Variants in SCAPER observed in about 807,000 individuals in gnomAD.
The protein encoded by SCAPER is S phase cyclin A-associated protein in the endoplasmic reticulum.
Under a neutral mutation model 182.2 loss-of-function variants are expected in SCAPER, and 98 were observed. The ratio of observed to expected loss-of-function variants is 0.54; its 90% CI spans 0.46 to 0.64. SCAPER has a LOEUF of 0.64. SCAPER is among the 30% of genes least tolerant of loss of function. The pLI is 0.00. For missense variants in SCAPER, 1,432 were observed against 1,690.0 expected (o/e 0.85, Z 2.68); for synonymous variants, 605 against 564.6 (o/e 1.07, Z -1.01).
chr15:76,557,410 T>C (rs1159624380), intron 23 of SCAPER, among the ~76,000 whole-genome samples: 3 of 152,168 alleles, frequency 2.0e-5, no homozygotes, highest in Admixed American at 1.3e-4. Context: ...CTCCACCAAA[T>C]TTCATGTTGA....
intron 5 of SCAPER, among the ~76,000 whole-genome samples, chr15:76,834,759 A>G (rs1350864069): frequency 6.6e-6 from 1 of 152,168 alleles, no homozygotes; most frequent in Non-Finnish European, 1.5e-5. Context: ...ACCCTCAGAG[A>G]CTATTAGAGA....
chr15:76,536,949 A>G (rs2044222108), intron 23 of SCAPER, among the ~76,000 whole-genome samples: 1 of 151,818 alleles, frequency 6.6e-6, no homozygotes, highest in Admixed American at 6.6e-5. Context: ...CCAAATCATG[A>G]GTGAACTCCC....
chr15:76,529,825 G>A (rs1022360165), intron 23 of SCAPER, among the ~76,000 whole-genome samples: 2 of 152,216 alleles, frequency 1.3e-5, no homozygotes, highest in African/African-American at 2.4e-5. Context: ...CAAATCTAGA[G>A]CTTTCTAGGT....
chr15:76,752,849 C>T lies in SCAPER; in HGVS notation c.1866+959G>A, dbSNP rs186414674. Among the ~76,000 whole-genome samples the T allele has an allele frequency of 5.7e-3, 857 of 151,418 alleles. 4 individuals carry two copies. The highest frequency in any genetic ancestry group is 7.4e-3 in the Non-Finnish European group (503 of 67,578). ...TGCATTAAAACCACTGAATTGTATA[C>T]TTAACAATGATTCAGATGATAAATT... is the stretch of plus-strand genomic sequence containing the variant. On this transcript the variant is annotated intron_variant, in intron 15 of 31. Coordinates refer to ENST00000563290, the MANE Select transcript of SCAPER (RefSeq NM_020843.4).
chr15:76,532,757 C>A (rs2043789083), intron 23 of SCAPER, among the ~76,000 whole-genome samples: 1 of 152,050 alleles, frequency 6.6e-6, no homozygotes, highest in Non-Finnish European at 1.5e-5. Context: ...ACAGAGGTAA[C>A]ATCACAGGGA....
At chr15:76,568,021 T>G (rs2047166805) in intron 23 of SCAPER, among the ~76,000 whole-genome samples, 1 of 151,952 alleles carries the variant, frequency 6.6e-6, no homozygotes, top group African/African-American at 2.4e-5. Flanking sequence ...CCATCTGGAA[T>G]CAATTTTTTG....
intron 24 of SCAPER, among the ~76,000 whole-genome samples, chr15:76,491,731 A>C (rs985122526): frequency 2.0e-5 from 3 of 152,114 alleles, no homozygotes; most frequent in African/African-American, 7.2e-5. Context: ...TCCTGGGTTT[A>C]AGTGATTCTC....
At chr15:76,860,629 T>C (rs28574883) in intron 3 of SCAPER, among the ~76,000 whole-genome samples, 7,534 of 152,216 alleles carry the variant, frequency 0.049, 547 homozygotes, top group African/African-American at 0.16. Flanking sequence ...ATAAACTTTA[T>C]AACAAGTTAT....
chr15:76,902,587 T>C (rs2074846811), intron 1 of SCAPER, among the ~76,000 whole-genome samples: 1 of 152,280 alleles, frequency 6.6e-6, no homozygotes, highest in African/African-American at 2.4e-5. Flanking sequence ...TTTTCTCTTC[T>C]ACAATTTCAG....
chr15:76,578,122 A>G (rs925120646), intron 22 of SCAPER, among the ~76,000 whole-genome samples: 1 of 151,438 alleles, frequency 6.6e-6, no homozygotes, highest in African/African-American at 2.4e-5. Context: ...CTATGACTAT[A>G]GAAAGGGGAG....
chr15:76,889,701 G>C (rs927259212), intron 1 of SCAPER, among the ~76,000 whole-genome samples: 3 of 152,124 alleles, frequency 2.0e-5, no homozygotes, highest in African/African-American at 7.2e-5. Flanking sequence ...AAGAGACTTA[G>C]ACTCCCACAC....
intron 3 of SCAPER, among the ~76,000 whole-genome samples, chr15:76,858,670 CATGT>C (rs1336052684): frequency 6.6e-6 from 1 of 152,098 alleles, no homozygotes; most frequent in East Asian, 1.9e-4. Flanking sequence ...TCTTTGTGTC[CATGT>C]ATATGTACTC....
intron 7 of SCAPER, among the ~76,000 whole-genome samples, chr15:76,799,097 TATAA>T (rs1258019612): frequency 1.3e-5 from 2 of 152,176 alleles, no homozygotes; most frequent in African/African-American, 2.4e-5. Context: ...GCTTGTAATA[TATAA>T]ATAATGTAAT....
intron 17 of SCAPER, among the ~76,000 whole-genome samples, chr15:76,724,043 T>G (rs1377138568): frequency 6.6e-6 from 1 of 152,168 alleles, no homozygotes; most frequent in African/African-American, 2.4e-5. Flanking sequence ...TTTGACATGT[T>G]TTTGCAGTGG....
At chr15:76,783,016 A>C (rs932519435) in intron 8 of SCAPER, among the ~76,000 whole-genome samples, 6 of 152,234 alleles carry the variant, frequency 3.9e-5, no homozygotes, top group African/African-American at 1.4e-4. Context: ...GCAGAAGTCA[A>C]GAAATAACTA....
rs200070656 is a variant in SCAPER at position 76,841,774 on chromosome 15, T to C, written c.353A>G (p.Tyr118Cys). The change falls in exon 5 of 32, where the codon TAT becomes TGT. Residue 118 changes from tyrosine to cysteine, a missense_variant. Tyr to Cys is a radical substitution (Grantham distance 194). Coordinates refer to ENST00000563290, the MANE Select transcript of SCAPER (RefSeq NM_020843.4). ...ACTCTGATCTGATTCGCAAGTTACA[T>C]AGATTTCATCTACTGCTCGGCGAAG... Reference protein sequence around the residue: ...DNLRRAVDEIYVTCESDQSVV... With the variant: ...DNLRRAVDEICVTCESDQSVV... 35 of 1,613,946 alleles carry C rather than the reference T, an allele frequency of 2.2e-5. No individual in the cohort carries two copies. The highest frequency in any genetic ancestry group is 5.3e-5 in the African/African-American group (4 of 75,068).
chr15:76,491,988 A>AGTGT (rs1466136071), intron 24 of SCAPER, among the ~76,000 whole-genome samples: 1 of 152,064 alleles, frequency 6.6e-6, no homozygotes, highest in Non-Finnish European at 1.5e-5. Flanking sequence ...CTGTAGTTTT[A>AGTGT]GTGTGTATTT....
chr15:76,463,787 C>T (rs1229072548), intron 25 of SCAPER, among the ~76,000 whole-genome samples: 1 of 152,008 alleles, frequency 6.6e-6, no homozygotes, highest in Non-Finnish European at 1.5e-5. Flanking sequence ...CATTTGTCAA[C>T]TTAAGAAAAT....
chr15:76,743,296 T>C (rs2629032), intron 15 of SCAPER, among the ~76,000 whole-genome samples: 140,785 of 152,152 alleles, frequency 0.93, 66,020 homozygotes, highest in East Asian at 1. Context: ...GAACTGAAAA[T>C]GGTGACAACT....
Sources: allele counts gnomAD v4.1 joint callset (sites outside exome capture counted in the v4.1 genomes callset), GRCh38; gene constraint gnomAD v4.1.1; transcripts MANE v1.5; gene names NCBI Gene and HGNC (gene_info 2026-07-23, HGNC 2026-07-21).